Variants in PLGLB2 observed in about 807,000 individuals in gnomAD.
The protein encoded by PLGLB2 is plasminogen-like protein B.
chr2:87,750,778 C>T (rs139215778), intron 1 of PLGLB2, among the ~76,000 whole-genome samples: 19 of 150,356 alleles, frequency 1.3e-4, no homozygotes, highest in East Asian at 9.9e-4. Context: ...CAAACCAGTG[C>T]GCTCTGCAGT....
At chr2:87,750,205 A>G (rs1269191312) in intron 1 of PLGLB2, among the ~76,000 whole-genome samples, 1 of 152,272 alleles carries the variant, frequency 6.6e-6, no homozygotes, top group Non-Finnish European at 1.5e-5. Flanking sequence ...GTATAATAAC[A>G]TGACACAGAG....
At chr2:87,750,622 G>C (rs914542635) in intron 1 of PLGLB2, among the ~76,000 whole-genome samples, 4 of 147,720 alleles carry the variant, frequency 2.7e-5, no homozygotes, top group African/African-American at 9.8e-5. Context: ...GGGGAGCAGG[G>C]GGACTTTGGC....
rs1366915210 is a variant in PLGLB2, at chr2:87,752,288, C to T, written c.91C>T (p.Pro31Ser). ...PLDDYVNTQG[P>S]SLFSVTKKQL... ...GGATGACTATGTGAATACCCAGGGG[C>T]CTTCACTGTTCAGTGTCACTAAGAA... The change falls in exon 2 of 4, where the codon CCT becomes TCT. Residue 31 changes from proline to serine, a missense_variant. Pro to Ser is a moderately conservative substitution (Grantham distance 74). Coordinates refer to ENST00000359481, the MANE Select transcript of PLGLB2 (RefSeq NM_002665.4). The T allele has an allele frequency of 3.2e-4, 2 of 6,300 alleles. No homozygotes were observed. The highest frequency in any genetic ancestry group is 2.4e-4 in the Non-Finnish European group (1 of 4,246). 0.4% of individuals were successfully genotyped at this position (6,300 alleles called of 1,614,324 possible). A position where few individuals can be genotyped will look rare whatever the true frequency, so the allele number is the denominator to read the frequency against.
chr2:87,752,982 GA>G (rs1464736831), intron 2 of PLGLB2, among the ~76,000 whole-genome samples: 2 of 71,966 alleles, frequency 2.8e-5, no homozygotes, highest in African/African-American at 9.1e-5. Flanking sequence ...TGCACTTTCT[GA>G]GGGGGACCAT....
In PLGLB2 at chr2:87,756,912, TCCA is replaced by T. The variant is rs1573989934; in HGVS notation, c.*96_*98del. The T allele has an allele frequency of 1.9e-6, 2 of 1,069,198 alleles. No individual in the cohort carries two copies. The highest frequency in any genetic ancestry group is 2.9e-6 in the Non-Finnish European group (2 of 680,002). The allele number at this position is 1,069,198 out of a possible 1,614,324, so 66.2% of individuals were successfully genotyped here. ...TGGCATCACCTGTCAAAAATGGAGTTCCACTTCTCCCCGCAGACCTAGGTCAGA... is the reference window on the plus strand; with the variant it reads ...TGGCATCACCTGTCAAAAATGGAGTTCTTCTCCCCGCAGACCTAGGTCAGA... On this transcript the variant is annotated 3_prime_UTR_variant, in exon 4 of 4. Transcript: ENST00000359481.
intron 1 of PLGLB2, among the ~76,000 whole-genome samples, chr2:87,750,026 A>AAT (rs1224177892): frequency 6.7e-6 from 1 of 149,594 alleles, no homozygotes; most frequent in Non-Finnish European, 1.5e-5. Flanking sequence ...CTTGCCAGCA[A>AAT]ATAAGCCCTA....
intron 1 of PLGLB2, chr2:87,751,727 CTT>C (rs1440553394): frequency 8.7e-6 from 1 of 114,960 alleles, no homozygotes; most frequent in Non-Finnish European, 1.9e-5. Flanking sequence ...AAAATTTGTT[CTT>C]GTTTAAGGAT....
At chr2:87,749,123 CTTTTTT>C (rs1020434307) in intron 1 of PLGLB2, among the ~76,000 whole-genome samples, 3 of 149,928 alleles carry the variant, frequency 2.0e-5, no homozygotes, top group African/African-American at 7.3e-5. Context: ...TTTTCTTTTT[CTTTTTT>C]TAAAAAAAAG....
chr2:87,754,664 C>CT lies in PLGLB2; in HGVS notation c.*1+1033dup, dbSNP rs1464597105. Among the ~76,000 whole-genome samples, 5 of 143,788 alleles carry CT rather than the reference C, an allele frequency of 3.5e-5. No homozygotes were observed. The East Asian group carries it at 8.2e-4, about 24-fold the overall frequency. The allele number at this position is 143,788 out of a possible 152,430, so 94.3% of individuals were successfully genotyped here. A position where few individuals can be genotyped will look rare whatever the true frequency, so the allele number is the denominator to read the frequency against. ...GATTAAAGTACAGATGAAATCTAAA[C>CT]TTTATCTGGTAAAGTTATTAGTTCT... On this transcript the variant is annotated intron_variant, in intron 3 of 3. Transcript: ENST00000359481.
chr2:87,754,755 AC>A (rs1283597313), intron 3 of PLGLB2, among the ~76,000 whole-genome samples: 1 of 151,366 alleles, frequency 6.6e-6, no homozygotes, highest in Non-Finnish European at 1.5e-5. Context: ...AAAAAAAAAA[AC>A]AAAAAACCCT....
At chr2:87,752,780 T>TAAAA (rs770503011) in intron 2 of PLGLB2, among the ~76,000 whole-genome samples, 2 of 45,878 alleles carry the variant, frequency 4.4e-5, no homozygotes, top group African/African-American at 1.8e-4. Flanking sequence ...GATATAATGT[T>TAAAA]AAAAAAAAAA....
chr2:87,750,923 C>T (rs1446056767), intron 1 of PLGLB2, among the ~76,000 whole-genome samples: 9 of 121,878 alleles, frequency 7.4e-5, no homozygotes, highest in African/African-American at 2.6e-4. Context: ...GCCTGCAGCC[C>T]CCACCACGCC....
intron 1 of PLGLB2, among the ~76,000 whole-genome samples, chr2:87,750,118 A>G (rs1230150996): frequency 6.6e-6 from 1 of 152,286 alleles, no homozygotes; most frequent in Non-Finnish European, 1.5e-5. Context: ...TTAAAAAGAA[A>G]AAAGTTTGAT....
In PLGLB2 at chr2:87,748,908, G is replaced by C. The variant is rs1460445986; in HGVS notation, c.49+706G>C. Among the ~76,000 whole-genome samples, 2 of 124,718 alleles carry C rather than the reference G, an allele frequency of 1.6e-5. 1 individual carries two copies. The highest frequency in any genetic ancestry group is 3.3e-5 in the Non-Finnish European group (2 of 59,800). 81.8% of individuals were successfully genotyped at this position (124,718 alleles called of 152,430 possible). A position where few individuals can be genotyped will look rare whatever the true frequency, so the allele number is the denominator to read the frequency against. On this transcript the variant is annotated intron_variant, in intron 1 of 3. Coordinates refer to ENST00000359481, the MANE Select transcript of PLGLB2 (RefSeq NM_002665.4). ...GCTTATTTAGCTCGCGGTATAGGTAGGGTAGCATATTCACCCTCATTTTAT... is the reference window on the plus strand; with the variant it reads ...GCTTATTTAGCTCGCGGTATAGGTACGGTAGCATATTCACCCTCATTTTAT...
intron 1 of PLGLB2, among the ~76,000 whole-genome samples, chr2:87,750,164 G>A (rs1203282471): frequency 6.6e-6 from 1 of 152,280 alleles, no homozygotes; most frequent in Non-Finnish European, 1.5e-5. Flanking sequence ...CAGGAGCTGG[G>A]GAGGGGATCT....
rs1263439290 is a variant in PLGLB2 at position 87,748,195 on chromosome 2, GA to G, written c.45del (p.Lys15AsnfsTer12). 3.8e-6 allele frequency: 3 copies of G among 785,110 alleles called. No homozygotes were observed. The African/African-American group carries it at 5.4e-5, about 14-fold the overall frequency. The allele number at this position is 785,110 out of a possible 1,614,324, so 48.6% of individuals were successfully genotyped here. On this transcript the variant is annotated frameshift_variant, in exon 1 of 4. Transcript: ENST00000359481. LOFTEE classifies it high-confidence loss of function. The stretch of plus-strand genomic sequence containing the variant: ...TGGTTCTTCTACTTCTTTTATTTCT[GA>G]AATCAGGTAAGACATAGTTTTTTTA... ...EVVLLLLLFL[K>X]SGQGEPLDDY...
chr2:87,750,817 T>A (rs2138305), intron 1 of PLGLB2, among the ~76,000 whole-genome samples: 2 of 113,364 alleles, frequency 1.8e-5, no homozygotes, highest in African/African-American at 3.3e-5. Flanking sequence ...TCCCCTGACC[T>A]CATCTTCCCT....
At chr2:87,749,035 A>G (rs1393551502) in intron 1 of PLGLB2, among the ~76,000 whole-genome samples, 1 of 138,486 alleles carries the variant, frequency 7.2e-6, no homozygotes, top group African/African-American at 2.7e-5. Context: ...GTTTCCCAGA[A>G]GGAATCTAGG....
chr2:87,750,794 A>G (rs547215951), intron 1 of PLGLB2, among the ~76,000 whole-genome samples: 41 of 148,246 alleles, frequency 2.8e-4, no homozygotes, highest in Admixed American at 2.0e-3. Flanking sequence ...GCAGTGTGTC[A>G]TCTTTCAGAA....
Sources: gnomAD v4.1 joint callset for allele counts (sites outside exome capture counted in the v4.1 genomes callset) on GRCh38, gnomAD v4.1.1 for gene constraint, MANE v1.5 for transcripts, NCBI Gene and HGNC (gene_info 2026-07-23, HGNC 2026-07-21) for gene names.